ACKR2: variants seen among roughly 807,000 people sequenced by gnomAD.
The protein encoded by ACKR2 is atypical chemokine receptor 2.
For synonymous variants in ACKR2, 207 were observed against 192.2 expected (o/e 1.08, Z -0.64); for missense variants, 457 against 477.3 (o/e 0.96, Z 0.40).
At chr3:42,836,616 TAGG>T (rs111261242) in intron 2 of ACKR2, among the ~76,000 whole-genome samples, 15 of 152,262 alleles carry the variant, frequency 9.9e-5, no homozygotes, top group African/African-American at 3.6e-4. Context: ...TTCTTGAGGA[TAGG>T]AGGGTGACAA....
intron 2 of ACKR2, among the ~76,000 whole-genome samples, chr3:42,851,917 C>T (rs1311998577): frequency 6.6e-6 from 1 of 152,132 alleles, no homozygotes; most frequent in African/African-American, 2.4e-5. Flanking sequence ...AATTCTTGGC[C>T]CCCTTCCTTC....
At chr3:42,829,870 G>A (rs1386455020) in intron 2 of ACKR2, among the ~76,000 whole-genome samples, 4 of 152,160 alleles carry the variant, frequency 2.6e-5, no homozygotes, top group South Asian at 2.1e-4. Context: ...GGGTACATGC[G>A]TAGAGGCAAG....
chr3:42,846,649 C>T (rs1701100802), intron 2 of ACKR2, among the ~76,000 whole-genome samples: 1 of 152,226 alleles, frequency 6.6e-6, no homozygotes, highest in South Asian at 2.1e-4. Flanking sequence ...TCTATAGTCA[C>T]TTTACAGACA....
rs56176584 is a variant in ACKR2 at position 42,865,919 on chromosome 3, TCTCC to T, written c.*278_*281del. Reference sequence around the variant, plus strand: ...GCTTCCTTCCTTCCTTCCTTCCCTCTCTCCCTCCCTCCCTCCCTCGCTTCTTCCC... The same window carrying T: ...GCTTCCTTCCTTCCTTCCTTCCCTCTCTCCCTCCCTCCCTCGCTTCTTCCC... On this transcript the variant is annotated 3_prime_UTR_variant, in exon 3 of 3. Coordinates refer to ENST00000422265, the MANE Select transcript of ACKR2 (RefSeq NM_001296.5). 365 of 349,470 alleles carry T rather than the reference TCTCC, an allele frequency of 1.0e-3. No homozygotes were observed. The highest frequency in any genetic ancestry group is 1.9e-3 in the South Asian group (45 of 23,226). 21.6% of individuals were successfully genotyped at this position (349,470 alleles called of 1,614,324 possible).
At position 42,865,230 on chromosome 3, in the gene ACKR2, C is replaced by T. The variant is rs771462120; in HGVS notation, c.728C>T (p.Ala243Val). The T allele has an allele frequency of 1.2e-6, 2 of 1,614,234 alleles. No individual in the cohort carries two copies. The highest frequency in any genetic ancestry group is 3.3e-5 in the Admixed American group (2 of 60,026). The change falls in exon 3 of 3, where the codon GCA becomes GTA. Residue 243 changes from alanine to valine, a missense_variant. Ala to Val is a moderately conservative substitution (Grantham distance 64, BLOSUM62 0). Transcript: ENST00000422265. ...TGTGTCTTGGTGAGGCTGAGGCCCG[C>T]AGGCCAGGGCCGGGCTTTAAAAATA... The part of the protein sequence containing the change: ...IGCVLVRLRP[A>V]GQGRALKIAA...
At position 42,859,549 on chromosome 3, in the gene ACKR2, T is replaced by C. The variant is rs184628130; in HGVS notation, c.-37-4917T>C. On this transcript the variant is annotated intron_variant, in intron 2 of 2. Coordinates refer to ENST00000422265, the MANE Select transcript of ACKR2 (RefSeq NM_001296.5). ...GCCCGCCACCATGCCCAGCTAATTT[T>C]TTTTTGTATTTTTAGTAGAGATGGG... is the stretch of plus-strand genomic sequence containing the variant. 5.3e-3 allele frequency among the ~76,000 whole-genome samples: 805 copies of C among 152,062 alleles called. 12 individuals carry two copies. The highest frequency in any genetic ancestry group is 0.018 in the African/African-American group (740 of 41,464).
rs1420270949 is a variant in ACKR2 at position 42,865,593 on chromosome 3, A to G, written c.1091A>G (p.Asp364Gly). Residue 364 changes from aspartate (D) to glycine (G), a missense_variant, in exon 3 of 3, where the codon GAC (aspartate) becomes GGC (glycine). By Grantham distance (94) the Asp-to-Gly change is moderately conservative (BLOSUM62 -1). Transcript: ENST00000422265. Reference sequence around the variant, plus strand: ...CAAGAGGAAATGACTGGCATGAATGACCTTGGAGAGAGGCAGTCTGAGAAC... The same window carrying G: ...CAAGAGGAAATGACTGGCATGAATGGCCTTGGAGAGAGGCAGTCTGAGAAC... The part of the protein sequence containing the change: ...TAQEEMTGMN[D>G]LGERQSENYP... 6.2e-7 allele frequency: 1 copy of G among 1,614,086 alleles called. No homozygotes were observed. Among genetic ancestry groups the G allele is most frequent in the Non-Finnish European group, 8.5e-7 (1 of 1,180,006 alleles).
intron 2 of ACKR2, among the ~76,000 whole-genome samples, chr3:42,827,405 A>G (rs562806138): frequency 6.6e-6 from 1 of 152,212 alleles, no homozygotes; most frequent in East Asian, 1.9e-4. Context: ...ATTCCAATTC[A>G]GTCTTTCTAA....
chr3:42,836,136 C>A (rs1055661090), intron 2 of ACKR2, among the ~76,000 whole-genome samples: 2 of 152,130 alleles, frequency 1.3e-5, no homozygotes, highest in Non-Finnish European at 2.9e-5. Context: ...GAGAGTAATT[C>A]ACGTATTATG....
intron 2 of ACKR2, among the ~76,000 whole-genome samples, chr3:42,863,027 G>C (rs1019593404): frequency 5.3e-5 from 8 of 152,158 alleles, no homozygotes; most frequent in Non-Finnish European, 5.9e-5. Flanking sequence ...TTAAACTAAA[G>C]AGCTTCTGCA....
At chr3:42,859,415 G>A (rs1559693364) in intron 2 of ACKR2, among the ~76,000 whole-genome samples, 1 of 149,766 alleles carries the variant, frequency 6.7e-6, no homozygotes, top group Admixed American at 6.7e-5. Flanking sequence ...GTCTCACTCT[G>A]TTGCCCAGGC....
chr3:42,812,633 G>A (rs985093966), intron 1 of ACKR2, among the ~76,000 whole-genome samples: 7 of 142,358 alleles, frequency 4.9e-5, no homozygotes, highest in African/African-American at 2.6e-5. Context: ...ATTCCATGCA[G>A]CTTAAAACTG....
chr3:42,815,115 A>G (rs1286372880), intron 1 of ACKR2, among the ~76,000 whole-genome samples: 1 of 152,198 alleles, frequency 6.6e-6, no homozygotes, highest in Non-Finnish European at 1.5e-5. Context: ...ACAATGTTCT[A>G]TTAGGTGCCG....
intron 2 of ACKR2, among the ~76,000 whole-genome samples, chr3:42,847,396 A>G (rs1701109795): frequency 6.6e-6 from 1 of 152,154 alleles, no homozygotes; most frequent in Non-Finnish European, 1.5e-5. Flanking sequence ...TGTGCCGTCA[A>G]TGGAGCATGT....
intron 2 of ACKR2, chr3:42,856,395 A>G: frequency 1.4e-6 from 1 of 702,992 alleles, no homozygotes; most frequent in Non-Finnish European, 2.6e-6. Context: ...GAATAGTTCC[A>G]TCAGCCATGA....
At chr3:42,861,002 T>C (rs2088379435) in intron 2 of ACKR2, among the ~76,000 whole-genome samples, 3 of 151,026 alleles carry the variant, frequency 2.0e-5, no homozygotes, top group Non-Finnish European at 4.4e-5. Flanking sequence ...AGACAAGAAA[T>C]AACTAAGATC....
Position 42,864,522 on chromosome 3 carries a change from CGCA to C in ACKR2, c.23_25del (p.Gln8del), listed in dbSNP as rs1559694647. On this transcript the variant is annotated inframe_deletion, in exon 3 of 3. Transcript: ENST00000422265. ...TCCAACATGGCCGCCACTGCCTCTC[CGCA>C]GCCACTCGCCACTGAGGATGCCGAT... 3.1e-6 allele frequency: 5 copies of C among 1,604,744 alleles called. No individual in the cohort carries two copies. Among genetic ancestry groups the C allele is most frequent in the Non-Finnish European group, 3.4e-6 (4 of 1,174,062 alleles).
chr3:42,849,219 AG>A (rs1383371872), intron 2 of ACKR2, among the ~76,000 whole-genome samples: 2 of 152,166 alleles, frequency 1.3e-5, no homozygotes, highest in African/African-American at 4.8e-5. Context: ...AAAACCTTAG[AG>A]GCCGGCTGCT....
At chr3:42,811,598 C>T (rs1006795032) in intron 1 of ACKR2, among the ~76,000 whole-genome samples, 1 of 152,164 alleles carries the variant, frequency 6.6e-6, no homozygotes, top group Non-Finnish European at 1.5e-5. Flanking sequence ...TCCTCCCCAG[C>T]CTGTCACCCG....
Sources: gnomAD v4.1 joint callset for allele counts (sites outside exome capture counted in the v4.1 genomes callset) on GRCh38, gnomAD v4.1.1 for gene constraint, MANE v1.5 for transcripts, NCBI Gene and HGNC (gene_info 2026-07-23, HGNC 2026-07-21) for gene names.